PLEKHG6: variants seen among roughly 807,000 people sequenced by gnomAD.
The protein encoded by PLEKHG6 is pleckstrin homology and RhoGEF domain containing G6, also known as pleckstrin homology domain-containing family G member 6.
In PLEKHG6, 91 loss-of-function variants were observed where a neutral mutation model predicts 97.5. That is an observed-to-expected ratio of 0.93 (90% CI 0.79 to 1.11). PLEKHG6 has a LOEUF of 1.11. PLEKHG6 is among the 50% of genes most tolerant of loss of function. PLEKHG6 has a pLI of 0.00. For synonymous variants in PLEKHG6, 466 were observed against 425.5 expected (o/e 1.10, Z -1.17); for missense variants, 1,044 against 1,031.0 (o/e 1.01, Z -0.17).
chr12:6,327,678 A>G lies in PLEKHG6; in HGVS notation c.2095A>G (p.Thr699Ala), dbSNP rs745517134. The G allele has an allele frequency of 1.3e-6, 2 of 1,563,154 alleles. No individual in the cohort carries two copies. Among genetic ancestry groups the G allele is most frequent in the Middle Eastern group, 1.7e-4 (1 of 5,828 alleles). Residue 699 changes from threonine (T) to alanine (A), a missense_variant, in exon 15 of 16, where the codon ACC becomes GCC. Coordinates refer to ENST00000684764, the MANE Select transcript of PLEKHG6 (RefSeq NM_001384598.1). ...TCGGGGCCAGCTTCCCTCCTCCCCA[A>G]CCCATGCTGACTCTGCCGGGGAAAG... ...RLRGQLPSSP[T>A]HADSAGESPW...
intron 14 of PLEKHG6, 102 bp downstream of exon 14, chr12:6,326,675 T>TA: frequency 8.6e-7 from 1 of 1,163,438 alleles, no homozygotes; most frequent in Non-Finnish European, 1.2e-6. Context: ...TGGGAATAGA[T>TA]AGAGGAACGC....
At chr12:6,312,699 G>T in intron 2 of PLEKHG6, 1 of 1,173,654 alleles carries the variant, frequency 8.5e-7, no homozygotes, top group Non-Finnish European at 1.1e-6. Flanking sequence ...CTGCTTGGCA[G>T]GAGTTTGAGG....
At chr12:6,313,210 TGAGGGAGGCTGGTCATAGACAAG>T in intron 2 of PLEKHG6, 1 of 1,543,464 alleles carries the variant, frequency 6.5e-7, no homozygotes, top group Non-Finnish European at 8.8e-7. Context: ...TCCCCATGTG[TGAGGGAGGCTGGTCATAGACAAG>T]GAGAGTTACG....
Position 6,326,418 on chromosome 12 carries a change from C to A in PLEKHG6, c.1525-10C>A. 1.2e-6 allele frequency: 2 copies of A among 1,612,382 alleles called. No individual in the cohort carries two copies. Among genetic ancestry groups the A allele is most frequent in the East Asian group, 2.2e-5 (1 of 44,844 alleles). On this transcript the variant is annotated splice_polypyrimidine_tract_variant and intron_variant, in intron 13 of 15. Transcript: ENST00000684764. Reference sequence around the variant, plus strand: ...TGAGAGCTCTTAATAACGAAAGTGTCCTGTCCCAGGCCGCCCTACAGAAGC... The same window carrying A: ...TGAGAGCTCTTAATAACGAAAGTGTACTGTCCCAGGCCGCCCTACAGAAGC...
rs759814392 is a variant in PLEKHG6, at chr12:6,315,541, C to T, written c.460-13C>T. ...ATCATTCCCCAACTGAACCAGCATTCTCCCCACCCCAGGAGATGAGCCAGG... is the reference window on the plus strand; with the variant it reads ...ATCATTCCCCAACTGAACCAGCATTTTCCCCACCCCAGGAGATGAGCCAGG... On this transcript the variant is annotated splice_polypyrimidine_tract_variant and intron_variant, in intron 4 of 15. Coordinates refer to ENST00000684764, the MANE Select transcript of PLEKHG6 (RefSeq NM_001384598.1). The surrounding 1 kb of genome is among the most constrained non-coding windows in gnomAD (Gnocchi z 4.5). The T allele has an allele frequency of 3.3e-6, 5 of 1,502,244 alleles. No homozygotes were observed. The highest frequency in any genetic ancestry group is 4.5e-6 in the Non-Finnish European group (5 of 1,108,828). 93.1% of individuals were successfully genotyped at this position (1,502,244 alleles called of 1,614,324 possible). A position where few individuals can be genotyped will look rare whatever the true frequency, so the allele number is the denominator to read the frequency against.
chr12:6,316,440 G>A lies in PLEKHG6; in HGVS notation c.756+36G>A, dbSNP rs1424609151. On this transcript the variant is annotated intron_variant, in intron 7 of 15. Transcript: ENST00000684764. The surrounding 1 kb of genome is among the most constrained non-coding windows in gnomAD (Gnocchi z 4.1). ...TGAAGGGCTGTGTCTGGATGGGGCA[G>A]GACTCGGAGCCCTCGGGGGTCCTGT... 2.0e-6 allele frequency: 3 copies of A among 1,538,206 alleles called. No individual in the cohort carries two copies. Among genetic ancestry groups the A allele is most frequent in the Non-Finnish European group, 2.6e-6 (3 of 1,138,684 alleles).
rs1335500319 is a variant in PLEKHG6, at chr12:6,318,825, C to T, written c.1356C>T (p.Ile452=). ...GCAAGGCGGACAAAGCCAAGGTCAT[C>T]CGACCCCCTCTCATGCTGGAGAAGC... The part of the protein sequence containing the change: ...PQRKADKAKV[I]RPPLMLEKLV... Residue 452 remains isoleucine (I), a synonymous_variant, in exon 12 of 16, where the codon ATC becomes ATT. Coordinates refer to ENST00000684764, the MANE Select transcript of PLEKHG6 (RefSeq NM_001384598.1). 6.2e-7 allele frequency: 1 copy of T among 1,614,256 alleles called. No homozygotes were observed. Among genetic ancestry groups the T allele is most frequent in the Admixed American group, 1.7e-5 (1 of 60,028 alleles).
chr12:6,312,291 C>T lies in PLEKHG6; in HGVS notation c.65C>T (p.Thr22Ile), dbSNP rs758657528. ...GGACTCGTGGCCTCCCGCATTGAGA[C>T]TTATGGGGGCCGGCATCGAGCCTCT... ...LQGLVASRIE[T>I]YGGRHRASAQ... The change falls in exon 2 of 16, where the codon ACT becomes ATT. Residue 22 changes from threonine to isoleucine, a missense_variant. By Grantham distance (89) the Thr-to-Ile change is moderately conservative. Coordinates refer to ENST00000684764, the MANE Select transcript of PLEKHG6 (RefSeq NM_001384598.1). 3 of 1,563,860 alleles carry T rather than the reference C, an allele frequency of 1.9e-6. No homozygotes were observed. The highest frequency in any genetic ancestry group is 1.7e-4 in the Middle Eastern group (1 of 5,904).
In PLEKHG6 at chr12:6,327,762, C is replaced by T. The variant is rs753836966; in HGVS notation, c.2179C>T (p.His727Tyr). 1 of 1,542,302 alleles carries T rather than the reference C, an allele frequency of 6.5e-7. No homozygotes were observed. The highest frequency in any genetic ancestry group is 1.3e-5 in the South Asian group (1 of 78,700). ...GGGGCCTCTGTTCCTGAAAGCTGGC[C>T]ACACATCCCTGCGCCCAATGCGGGC... is the stretch of plus-strand genomic sequence containing the variant. ...EEGPLFLKAG[H>Y]TSLRPMRAED... Residue 727 changes from histidine (H) to tyrosine (Y), a missense_variant, in exon 15 of 16, where the codon CAC becomes TAC. His to Tyr is a moderately conservative substitution (Grantham distance 83). Coordinates refer to ENST00000684764, the MANE Select transcript of PLEKHG6 (RefSeq NM_001384598.1).
intron 3 of PLEKHG6, 47 bp downstream of exon 3, chr12:6,313,831 G>C: frequency 3.3e-6 from 5 of 1,498,036 alleles, no homozygotes; most frequent in Non-Finnish European, 4.5e-6. Context: ...GGCCCCAATT[G>C]TGATGGCTCC....
At position 6,315,147 on chromosome 12, in the gene PLEKHG6, G is replaced by A; in HGVS notation, c.437G>A (p.Arg146Lys). ...GGCCTGACCATCGAGAAGTCCTGGA[G>A]GGAGCTGGTGCCTGGGCACAAGGTG... The part of the protein sequence containing the change: ...DSGLTIEKSW[R>K]ELVPGHKEMS... The change falls in exon 4 of 16, where the codon AGG becomes AAG. Residue 146 changes from arginine to lysine, a missense_variant. Transcript: ENST00000684764. This position sits in a 1 kb window ranked among gnomAD's most constrained non-coding sequence, Gnocchi z 4.5. 1.2e-6 allele frequency: 2 copies of A among 1,611,632 alleles called. No individual in the cohort carries two copies. The highest frequency in any genetic ancestry group is 1.7e-6 in the Non-Finnish European group (2 of 1,179,822).
At chr12:6,312,787 G>A (rs1000783203) in intron 2 of PLEKHG6, 1 of 1,200,982 alleles carries the variant, frequency 8.3e-7, no homozygotes. Context: ...CTCCAGTGGT[G>A]GGTAGGGACA....
chr12:6,327,882 C>T lies in PLEKHG6; in HGVS notation c.2299C>T (p.Arg767Trp), dbSNP rs373750607. ...GGACAGCAGGCCACGGAAGCTGACTCGGGCCCAGCTGCAGAGGATGCGGGG... is the reference window on the plus strand; with the variant it reads ...GGACAGCAGGCCACGGAAGCTGACTTGGGCCCAGCTGCAGAGGATGCGGGG... Reference protein sequence around the residue: ...PRDSRPRKLTRAQLQRMRGPH... With the variant: ...PRDSRPRKLTWAQLQRMRGPH... The change falls in exon 15 of 16, where the codon CGG becomes TGG. Residue 767 changes from arginine (R) to tryptophan (W), a missense_variant. Arg to Trp is a moderately radical substitution (Grantham distance 101, BLOSUM62 -3). Transcript: ENST00000684764. 4.3e-5 allele frequency: 64 copies of T among 1,494,032 alleles called. No individual in the cohort carries two copies. The highest frequency in any genetic ancestry group is 3.7e-4 in the South Asian group (27 of 72,568). 92.5% of individuals were successfully genotyped at this position (1,494,032 alleles called of 1,614,324 possible).
At chr12:6,327,079 T>C (rs1194044840) in intron 14 of PLEKHG6, among the ~76,000 whole-genome samples, 175 bp from the exon 15 acceptor site, 1 of 152,130 alleles carries the variant, frequency 6.6e-6, no homozygotes, top group Admixed American at 6.5e-5. Flanking sequence ...CAGCCCGTAC[T>C]CTCTTAGGAG....
At chr12:6,314,008 C>T (rs141448794) in intron 3 of PLEKHG6, among the ~76,000 whole-genome samples, 104 of 152,316 alleles carry the variant, frequency 6.8e-4, no homozygotes, top group African/African-American at 2.4e-3. Context: ...TGTGGATAAA[C>T]GATTGATATT....
At chr12:6,314,915 C>A in intron 3 of PLEKHG6, 90 bp from the exon 4 acceptor site, 1 of 1,231,168 alleles carries the variant, frequency 8.1e-7, no homozygotes, top group Non-Finnish European at 1.2e-6. Context: ...CACACTTTAA[C>A]ACACATGCAC....
intron 14 of PLEKHG6, among the ~76,000 whole-genome samples, chr12:6,327,033 C>G (rs796925257): frequency 6.6e-6 from 1 of 152,148 alleles, no homozygotes; most frequent in East Asian, 1.9e-4. Context: ...GATACAAGAT[C>G]CTGGACCAGA....
Position 6,317,693 on chromosome 12 carries a change from C to T in PLEKHG6, c.1014C>T (p.Ala338=), listed in dbSNP as rs774129011. 1.9e-6 allele frequency: 3 copies of T among 1,613,220 alleles called. No individual in the cohort carries two copies. The highest frequency in any genetic ancestry group is 2.5e-6 in the Non-Finnish European group (3 of 1,179,888). ...PEARAQEALN[A]MIEAVESFLR... is the part of the protein sequence containing the mutation. ...CACGAGCCCAAGAGGCCCTGAATGC[C>T]ATGGTAGGTGCCCCAGTGGGGCTGG... is the stretch of plus-strand genomic sequence containing the variant. The change falls in exon 9 of 16, where the codon GCC becomes GCT. Residue 338 remains alanine, a synonymous_variant. Transcript: ENST00000684764.
chr12:6,318,711 A>C (rs756753094), intron 11 of PLEKHG6, 34 bp from the exon 12 acceptor site: 2 of 1,605,920 alleles, frequency 1.2e-6, no homozygotes, highest in East Asian at 4.5e-5. Context: ...GCTCCAGCTG[A>C]CCCTGTCTCT....
Sources: allele counts gnomAD v4.1 joint callset (sites outside exome capture counted in the v4.1 genomes callset), GRCh38; gene constraint gnomAD v4.1.1; non-coding constraint Gnocchi (gnomAD v3.1); transcripts MANE v1.5; gene names NCBI Gene and HGNC (gene_info 2026-07-23, HGNC 2026-07-21).